Variants in OXR1 observed in about 807,000 individuals in gnomAD.
OXR1 encodes oxidation resistance 1, also known as oxidation resistance protein 1.
OXR1 carries 41 observed loss-of-function variants against 104.6 expected under a neutral mutation model. That is an observed-to-expected ratio of 0.39 (90% CI 0.31 to 0.51). OXR1 has a LOEUF of 0.51. OXR1 is among the 20% of genes least tolerant of loss of function. OXR1 has a pLI of 0.77. For synonymous variants in OXR1, 348 were observed against 348.4 expected, an observed-to-expected ratio of 1.00 and a Z score of 0.01; for missense variants, 955 against 1,031.9, an observed-to-expected ratio of 0.93 and a Z score of 1.02.
intron 2 of OXR1, among the ~76,000 whole-genome samples, chr8:106,397,630 G>T (rs1427879879): frequency 6.6e-6 from 1 of 151,704 alleles, no homozygotes; most frequent in East Asian, 1.9e-4. Flanking sequence ...TAAATCTACA[G>T]ATTTCTTTTT....
At chr8:106,689,137 G>A (rs562511779) in intron 6 of OXR1, among the ~76,000 whole-genome samples, 17 of 152,118 alleles carry the variant, frequency 1.1e-4, no homozygotes, top group Non-Finnish European at 2.1e-4. Context: ...TTTGGAGGCT[G>A]GAAGTCTGAA....
intron 3 of OXR1, among the ~76,000 whole-genome samples, chr8:106,547,593 A>C (rs1815469417): frequency 6.7e-6 from 1 of 149,704 alleles, no homozygotes; most frequent in Non-Finnish European, 1.5e-5. Flanking sequence ...TCCCGAGTCC[A>C]AGCGATTCTT....
chr8:106,624,300 A>G (rs1821968943), intron 3 of OXR1, among the ~76,000 whole-genome samples: 1 of 152,212 alleles, frequency 6.6e-6, no homozygotes, highest in Non-Finnish European at 1.5e-5. Flanking sequence ...TTAGATAACA[A>G]ATGTTAAGAA....
chr8:106,393,877 T>C (rs535470042), intron 2 of OXR1, among the ~76,000 whole-genome samples: 56 of 152,216 alleles, frequency 3.7e-4, no homozygotes, highest in East Asian at 7.7e-4. Flanking sequence ...TTGATATTCC[T>C]ATATATTTAT....
chr8:106,662,839 G>GGAT (rs5893799), intron 3 of OXR1, among the ~76,000 whole-genome samples: 63,616 of 148,778 alleles, frequency 0.43, 14,238 homozygotes, highest in Non-Finnish European at 0.5. Context: ...TCAGTAAATG[G>GGAT]GATGATGATG....
intron 3 of OXR1, among the ~76,000 whole-genome samples, chr8:106,560,613 A>C (rs1034704444): frequency 1.3e-5 from 2 of 152,220 alleles, no homozygotes; most frequent in Non-Finnish European, 1.5e-5. Context: ...CTGAAGTCAC[A>C]GAACACTCTC....
At chr8:106,657,784 G>C (rs572306244) in intron 3 of OXR1, 9 of 1,187,238 alleles carry the variant, frequency 7.6e-6, no homozygotes, top group Non-Finnish European at 9.5e-6. Context: ...TCCGTCTTTT[G>C]CTCCCCCGAC....
rs73309260 is a variant in OXR1 at position 106,462,120 on chromosome 8, A to G, written c.24-56823A>G. 7.2e-3 allele frequency among the ~76,000 whole-genome samples: 1,099 copies of G among 152,226 alleles called. 12 individuals carry two copies. Among genetic ancestry groups the G allele is most frequent in the African/African-American group, 0.025 (1,034 of 41,554 alleles). On this transcript the variant is annotated intron_variant, in intron 2 of 16. Coordinates refer to ENST00000517566, the MANE Select transcript of OXR1 (RefSeq NM_001198533.2). ...TTATTGGTCTGTTGGTCTGTTTTGT[A>G]TGTCTTACATTAAAGAAATTATGGA...
chr8:106,354,085 C>G (rs562266540), intron 1 of OXR1, among the ~76,000 whole-genome samples: 11 of 150,652 alleles, frequency 7.3e-5, no homozygotes, highest in African/African-American at 2.5e-4. Flanking sequence ...TGAGAAATGT[C>G]CATTCAGGCC....
chr8:106,698,806 C>CT (rs528365076), intron 7 of OXR1, among the ~76,000 whole-genome samples: 39 of 150,758 alleles, frequency 2.6e-4, no homozygotes, highest in Admixed American at 1.1e-3. Flanking sequence ...GTTTTAACGT[C>CT]TTTTTTTTTG....
chr8:106,346,104 CCT>C (rs1491030598), intron 1 of OXR1, among the ~76,000 whole-genome samples: 59,512 of 150,028 alleles, frequency 0.4, 11,960 homozygotes, highest in South Asian at 0.5. Flanking sequence ...TTCCACCCCC[CCT>C]ACCGCCGCCA....
At chr8:106,647,061 T>A (rs1329726682) in intron 3 of OXR1, among the ~76,000 whole-genome samples, 1 of 152,222 alleles carries the variant, frequency 6.6e-6, no homozygotes, top group South Asian at 2.1e-4. Flanking sequence ...AATAATTCTA[T>A]GGTAAGTTGA....
chr8:106,568,783 T>C (rs1817258530), intron 3 of OXR1, among the ~76,000 whole-genome samples: 1 of 152,158 alleles, frequency 6.6e-6, no homozygotes, highest in African/African-American at 2.4e-5. Flanking sequence ...CATGATTATT[T>C]GTTCATTATA....
intron 3 of OXR1, among the ~76,000 whole-genome samples, chr8:106,536,177 G>A (rs927491233): frequency 5.3e-5 from 8 of 151,214 alleles, no homozygotes; most frequent in African/African-American, 9.7e-5. Context: ...CAGAGATCGC[G>A]CCACTGCACT....
At chr8:106,436,107 T>C (rs1336056373) in intron 2 of OXR1, among the ~76,000 whole-genome samples, 6 of 141,128 alleles carry the variant, frequency 4.3e-5, no homozygotes, top group Non-Finnish European at 8.9e-5. Flanking sequence ...TTTATAAGCC[T>C]TTCTTCATAA....
intron 1 of OXR1, among the ~76,000 whole-genome samples, chr8:106,290,475 C>A (rs1812699325): frequency 6.6e-6 from 1 of 152,126 alleles, no homozygotes. Flanking sequence ...AGAGCTTCTG[C>A]ATAGCCAAAG....
intron 11 of OXR1, among the ~76,000 whole-genome samples, chr8:106,718,732 G>T (rs895478123): frequency 6.6e-6 from 1 of 151,810 alleles, no homozygotes; most frequent in Non-Finnish European, 1.5e-5. Context: ...GTAGCTACTC[G>T]GGAGGCTGAG....
intron 2 of OXR1, among the ~76,000 whole-genome samples, chr8:106,414,681 T>C (rs777925409): frequency 1.3e-5 from 2 of 152,074 alleles, no homozygotes; most frequent in Non-Finnish European, 2.9e-5. Context: ...CACAGTGACA[T>C]GGTGAAGGAT....
chr8:106,446,439 G>A (rs1292713940), intron 2 of OXR1, among the ~76,000 whole-genome samples: 3 of 152,018 alleles, frequency 2.0e-5, no homozygotes, highest in Non-Finnish European at 4.4e-5. Flanking sequence ...CCAACATGGT[G>A]AAACCCTTTC....
Sources: gnomAD v4.1 joint callset for allele counts (sites outside exome capture counted in the v4.1 genomes callset) on GRCh38, gnomAD v4.1.1 for gene constraint, MANE v1.5 for transcripts, NCBI Gene and HGNC (gene_info 2026-07-23, HGNC 2026-07-21) for gene names.